RIMBP2: variants seen among roughly 807,000 people sequenced by gnomAD.
RIMBP2 encodes RIMS binding protein 2, also known as RIMS-binding protein 2.
A neutral mutation model predicts 118.6 loss-of-function variants in RIMBP2; 48 were observed. The observed-to-expected ratio is 0.40, with a 90% CI of 0.32 to 0.51. The LOEUF (loss-of-function observed/expected upper bound fraction) is 0.51. RIMBP2 is among the 20% of genes least tolerant of loss of function. The probability of loss-of-function intolerance (pLI) is 0.41; values close to 1 mark genes in which losing one functional copy is unlikely to be tolerated. For missense variants in RIMBP2, 1,551 were observed against 1,768.3 expected (o/e 0.88, Z 2.20); for synonymous variants, 762 against 742.9 (o/e 1.03, Z -0.42).
intron 1 of RIMBP2, among the ~76,000 whole-genome samples, chr12:130,631,971 C>T (rs1183146632): frequency 1.3e-5 from 2 of 152,250 alleles, no homozygotes; most frequent in African/African-American, 4.8e-5. Context: ...TATACTATCA[C>T]ATTAACTTAC....
intron 1 of RIMBP2, among the ~76,000 whole-genome samples, chr12:130,650,039 A>C (rs1388763484): frequency 6.6e-6 from 1 of 151,646 alleles, no homozygotes; most frequent in Non-Finnish European, 1.5e-5. Context: ...AAAAAAAAAA[A>C]CCAAACCTGA....
At chr12:130,635,491 T>C (rs1278045804) in intron 1 of RIMBP2, among the ~76,000 whole-genome samples, 3 of 152,288 alleles carry the variant, frequency 2.0e-5, no homozygotes, top group African/African-American at 2.4e-5. Flanking sequence ...CCTGGGTGCA[T>C]TGGTGGCACC....
In RIMBP2 at chr12:130,431,270, T is replaced by G. The variant is rs1255141666; in HGVS notation, c.2254-2933A>C. 7.9e-5 allele frequency among the ~76,000 whole-genome samples: 12 copies of G among 151,944 alleles called. No individual in the cohort carries two copies. The highest frequency in any genetic ancestry group is 1.8e-4 in the Non-Finnish European group (12 of 67,994). On this transcript the variant is annotated intron_variant, in intron 14 of 22. Transcript: ENST00000690449. The surrounding 1 kb of genome is among the most constrained non-coding windows in gnomAD (Gnocchi z 4.0). ...AGGCTTCCACCCACTAGAACATCGGTGTCTTGGAGCAGATGGGATAGCGCC... is the reference window on the plus strand; with the variant it reads ...AGGCTTCCACCCACTAGAACATCGGGGTCTTGGAGCAGATGGGATAGCGCC...
intron 1 of RIMBP2, among the ~76,000 whole-genome samples, chr12:130,653,138 A>C (rs561867457): frequency 6.6e-6 from 1 of 152,342 alleles, no homozygotes; most frequent in South Asian, 2.1e-4. Context: ...AACTCATTCC[A>C]GCATTTACTC....
chr12:130,457,320 C>T (rs1452375424), intron 6 of RIMBP2, among the ~76,000 whole-genome samples: 1 of 152,218 alleles, frequency 6.6e-6, no homozygotes, highest in African/African-American at 2.4e-5. Flanking sequence ...CACGAAGCCA[C>T]GTCGGGAGCC....
At chr12:130,636,994 G>C (rs1406530400) in intron 1 of RIMBP2, among the ~76,000 whole-genome samples, 1 of 152,232 alleles carries the variant, frequency 6.6e-6, no homozygotes, top group Non-Finnish European at 1.5e-5. Context: ...CAGAAGAGCA[G>C]AGAATCATGA....
intron 1 of RIMBP2, among the ~76,000 whole-genome samples, chr12:130,709,779 C>A (rs547058639): frequency 3.9e-5 from 6 of 151,914 alleles, no homozygotes; most frequent in Non-Finnish European, 5.9e-5. Context: ...CCATCGCGGA[C>A]ACACACTGGG....
chr12:130,568,897 C>T (rs549047328), intron 2 of RIMBP2, among the ~76,000 whole-genome samples: 2 of 152,126 alleles, frequency 1.3e-5, no homozygotes, highest in African/African-American at 4.8e-5. Context: ...GAAAAAAACC[C>T]GAATTCCTAG....
intron 1 of RIMBP2, among the ~76,000 whole-genome samples, chr12:130,687,048 C>G (rs2065085107): frequency 6.6e-6 from 1 of 152,230 alleles, no homozygotes; most frequent in East Asian, 1.9e-4. Flanking sequence ...TTCTTTTCAG[C>G]TAATCCTTTC....
chr12:130,462,685 G>A (rs1379537797), intron 6 of RIMBP2, among the ~76,000 whole-genome samples: 1 of 152,212 alleles, frequency 6.6e-6, no homozygotes, highest in Non-Finnish European at 1.5e-5. Context: ...TCCCTGTGCA[G>A]TTGACGTGCT....
In RIMBP2 at chr12:130,509,207, A is replaced by G. The variant is rs376328375; in HGVS notation, c.-126-2437T>C. On this transcript the variant is annotated intron_variant, in intron 3 of 22. Coordinates refer to ENST00000690449, the MANE Select transcript of RIMBP2 (RefSeq NM_001393629.1). ...TAGGGCGGCTTACCACATCTAGGCC[A>G]CTTGAACAGGACAGTTTATGCTGAA... Among the ~76,000 whole-genome samples, 13 of 152,328 alleles carry G rather than the reference A, an allele frequency of 8.5e-5. 1 individual carries two copies. The highest frequency in any genetic ancestry group is 7.7e-4 in the East Asian group (4 of 5,176).
At chr12:130,655,723 GCA>G (rs377093103) in intron 1 of RIMBP2, among the ~76,000 whole-genome samples, 4 of 152,034 alleles carry the variant, frequency 2.6e-5, no homozygotes, top group Non-Finnish European at 5.9e-5. Flanking sequence ...ATACATATGT[GCA>G]CACACACACA....
At chr12:130,665,761 C>CACACACACAT (rs1476611140) in intron 1 of RIMBP2, among the ~76,000 whole-genome samples, 14 of 152,148 alleles carry the variant, frequency 9.2e-5, no homozygotes, top group African/African-American at 3.4e-4. Context: ...CACACACACA[C>CACACACACAT]ACACACAGCT....
rs909432557 is a variant in RIMBP2 at position 130,397,186 on chromosome 12, C to T, written c.*175G>A. 1.4e-5 allele frequency: 5 copies of T among 368,646 alleles called. No homozygotes were observed. Among genetic ancestry groups the T allele is most frequent in the East Asian group, 7.7e-5 (2 of 25,910 alleles). The allele number at this position is 368,646 out of a possible 1,614,324, so 22.8% of individuals were successfully genotyped here. On this transcript the variant is annotated 3_prime_UTR_variant, in exon 23 of 23. Transcript: ENST00000690449. ...ACTGCCAGCGGTGACAGAGAGCAAC[C>T]GCTCCTCTTTGTTCTCGTGGTTGGT...
intron 2 of RIMBP2, among the ~76,000 whole-genome samples, chr12:130,573,776 A>G (rs2057882837): frequency 6.6e-6 from 1 of 152,084 alleles, no homozygotes; most frequent in Non-Finnish European, 1.5e-5. Flanking sequence ...CGAGCTGCCA[A>G]ACTTTGGGAT....
intron 3 of RIMBP2, among the ~76,000 whole-genome samples, chr12:130,515,639 C>A (rs1379916563): frequency 2.6e-5 from 4 of 151,132 alleles, no homozygotes; most frequent in African/African-American, 9.7e-5. Context: ...TGGGTTATTT[C>A]CACCTTTTGG....
chr12:130,482,758 T>C (rs867596136), intron 4 of RIMBP2, among the ~76,000 whole-genome samples: 17 of 148,654 alleles, frequency 1.1e-4, no homozygotes, highest in South Asian at 2.2e-4. Flanking sequence ...TGTGTACATG[T>C]GTCAGATTCT....
chr12:130,581,401 A>T lies in RIMBP2; in HGVS notation c.-217+46921T>A, dbSNP rs1316990845. On this transcript the variant is annotated intron_variant, in intron 2 of 22. Transcript: ENST00000690449. The surrounding 1 kb of genome is among the most constrained non-coding windows in gnomAD (Gnocchi z 4.4). ...AGAGTTGATTTTACATAAACTCCAA[A>T]AGTTCCATCTCCATCCCAGCTCCCT... 6.6e-6 allele frequency among the ~76,000 whole-genome samples: 1 copy of T among 152,160 alleles called. No homozygotes were observed. The highest frequency in any genetic ancestry group is 1.5e-5 in the Non-Finnish European group (1 of 68,012).
intron 2 of RIMBP2, among the ~76,000 whole-genome samples, chr12:130,561,370 G>A (rs116440548): frequency 0.012 from 1,812 of 152,230 alleles, 34 homozygotes; most frequent in African/African-American, 0.042. Context: ...TCTCAAACCA[G>A]GGGTTGAGGC....
Sources: gnomAD v4.1 joint callset for allele counts (sites outside exome capture counted in the v4.1 genomes callset) on GRCh38, gnomAD v4.1.1 for gene constraint, Gnocchi (gnomAD v3.1) non-coding constraint, MANE v1.5 for transcripts, NCBI Gene and HGNC (gene_info 2026-07-23, HGNC 2026-07-21) for gene names.